The following RALYL variants were observed in gnomAD, a reference collection of about 807,000 sequenced individuals.
RALYL encodes the protein RNA-binding Raly-like protein.
RALYL carries 29 observed loss-of-function variants against 35.1 expected under a neutral mutation model. That is an observed-to-expected ratio of 0.83 (90% confidence interval 0.61 to 1.13). The LOEUF is 1.13. RALYL is among the 50% of genes most tolerant of loss of function. RALYL has a pLI of 0.00. For missense variants in RALYL, 359 were observed against 360.4 expected, an observed-to-expected ratio of 1.00 and a Z score of 0.03; for synonymous variants, 120 against 127.6, an observed-to-expected ratio of 0.94 and a Z score of 0.40.
At chr8:84,524,175 G>T (rs1354402545) in intron 1 of RALYL, among the ~76,000 whole-genome samples, 2 of 152,062 alleles carry the variant, frequency 1.3e-5, no homozygotes, top group Non-Finnish European at 1.5e-5. Flanking sequence ...CCTACAAAAT[G>T]GGAGAAAATT....
At chr8:84,891,479 A>G (rs770691169) in intron 8 of RALYL, among the ~76,000 whole-genome samples, 11 of 152,186 alleles carry the variant, frequency 7.2e-5, no homozygotes, top group Non-Finnish European at 1.6e-4. Flanking sequence ...CAGTCATGGC[A>G]ATAAATCCAA....
chr8:84,793,876 C>G (rs1586310406), intron 3 of RALYL, among the ~76,000 whole-genome samples: 1 of 152,148 alleles, frequency 6.6e-6, no homozygotes, highest in East Asian at 1.9e-4. Context: ...ACCAGCCAGA[C>G]CAGTATGTGA....
At chr8:84,276,243 T>C (rs1045156702) in intron 1 of RALYL, among the ~76,000 whole-genome samples, 3 of 152,276 alleles carry the variant, frequency 2.0e-5, no homozygotes, top group African/African-American at 4.8e-5. Flanking sequence ...ACGAATGTGG[T>C]CATGATTCTA....
intron 2 of RALYL, among the ~76,000 whole-genome samples, chr8:84,721,489 G>A (rs964299849): frequency 6.6e-6 from 1 of 152,084 alleles, no homozygotes; most frequent in Non-Finnish European, 1.5e-5. Flanking sequence ...TTTAAGAAAT[G>A]AAGACTCATA....
intron 4 of RALYL, among the ~76,000 whole-genome samples, chr8:84,843,391 C>G (rs1408354239): frequency 2.0e-5 from 3 of 152,096 alleles, no homozygotes; most frequent in Non-Finnish European, 2.9e-5. Flanking sequence ...AATAAAATAC[C>G]TAGGAATCCA....
At chr8:84,649,755 G>A (rs1257337957) in intron 2 of RALYL, among the ~76,000 whole-genome samples, 1 of 152,100 alleles carries the variant, frequency 6.6e-6, no homozygotes, top group Non-Finnish European at 1.5e-5. Flanking sequence ...GATTGACTTG[G>A]TGATGTGGGC....
At chr8:84,606,639 G>A (rs1409513538) in intron 2 of RALYL, among the ~76,000 whole-genome samples, 1 of 152,010 alleles carries the variant, frequency 6.6e-6, no homozygotes, top group African/African-American at 2.4e-5. Context: ...TTGCATGCAC[G>A]TAATTCAAAT....
At chr8:84,715,317 T>G (rs1195224760) in intron 2 of RALYL, among the ~76,000 whole-genome samples, 1 of 151,844 alleles carries the variant, frequency 6.6e-6, no homozygotes, top group African/African-American at 2.4e-5. Flanking sequence ...AATGAAGTAA[T>G]TTGTGATACT....
intron 2 of RALYL, among the ~76,000 whole-genome samples, chr8:84,680,170 G>T (rs552455344): frequency 6.6e-6 from 1 of 152,240 alleles, no homozygotes; most frequent in East Asian, 1.9e-4. Flanking sequence ...TCCCTACAAA[G>T]GTCATGAACT....
At chr8:84,896,285 C>A (rs1563827879) in intron 8 of RALYL, among the ~76,000 whole-genome samples, 1 of 152,152 alleles carries the variant, frequency 6.6e-6, no homozygotes, top group African/African-American at 2.4e-5. Flanking sequence ...CTCTAAACTG[C>A]AAGTTGTCAC....
At chr8:84,688,736 A>C (rs147574836) in intron 2 of RALYL, among the ~76,000 whole-genome samples, 1 of 152,176 alleles carries the variant, frequency 6.6e-6, no homozygotes, top group African/African-American at 2.4e-5. Flanking sequence ...GGATTGCATC[A>C]AACTAAGAAG....
At chr8:84,234,324 A>G (rs754429045) in intron 1 of RALYL, among the ~76,000 whole-genome samples, 72 of 151,102 alleles carry the variant, frequency 4.8e-4, no homozygotes, top group Non-Finnish European at 9.0e-4. Context: ...TCTGTAAAGG[A>G]TACCTTTATA....
chr8:84,609,399 T>C (rs11985284), intron 2 of RALYL, among the ~76,000 whole-genome samples: 12,244 of 152,198 alleles, frequency 0.08, 1,248 homozygotes, highest in African/African-American at 0.24. Flanking sequence ...ATTGGTACCA[T>C]TGGTGCTACC....
At chr8:84,782,034 C>T (rs1436530060) in intron 3 of RALYL, among the ~76,000 whole-genome samples, 1 of 37,094 alleles carries the variant, frequency 2.7e-5, no homozygotes, top group Non-Finnish European at 6.9e-5. Context: ...CACGCGCGCA[C>T]ACACACACAC....
At position 84,527,395 on chromosome 8, in the gene RALYL, T is replaced by A. The variant is rs563233999; in HGVS notation, c.-23-1904T>A. Among the ~76,000 whole-genome samples the A allele has an allele frequency of 1.9e-4, 29 of 152,326 alleles. No homozygotes were observed. The South Asian group carries it at 6.0e-3, about 32-fold the overall frequency. ...ACCACCGGGCTCTGTAAACCACAGG[T>A]CTGATCTAATCTAGCAATTCTTGTG... On this transcript the variant is annotated intron_variant, in intron 1 of 8. Transcript: ENST00000521268.
At chr8:84,628,154 C>T (rs775247209) in intron 2 of RALYL, among the ~76,000 whole-genome samples, 7 of 152,110 alleles carry the variant, frequency 4.6e-5, no homozygotes, top group East Asian at 1.9e-4. Flanking sequence ...TGGTATTTTT[C>T]GCTCCTCTTT....
At position 84,497,297 on chromosome 8, in the gene RALYL, G is replaced by A. The variant is rs1301708559; in HGVS notation, c.-23-32002G>A. Among the ~76,000 whole-genome samples the A allele has an allele frequency of 2.0e-5, 3 of 152,096 alleles. No homozygotes were observed. The East Asian group carries it at 5.8e-4, about 29-fold the overall frequency. Reference sequence around the variant, plus strand: ...GGGTGAAATCAATTTATTCACTCAGGTCCATAAAACTGGAGCAAAGTGTGA... The same window carrying A: ...GGGTGAAATCAATTTATTCACTCAGATCCATAAAACTGGAGCAAAGTGTGA... On this transcript the variant is annotated intron_variant, in intron 1 of 8. Coordinates refer to ENST00000521268, the MANE Select transcript of RALYL (RefSeq NM_173848.7).
At chr8:84,667,974 C>G (rs1832415627) in intron 2 of RALYL, among the ~76,000 whole-genome samples, 1 of 152,126 alleles carries the variant, frequency 6.6e-6, no homozygotes, top group East Asian at 1.9e-4. Context: ...GCAGGAAAAT[C>G]ATGCCATAGA....
intron 2 of RALYL, among the ~76,000 whole-genome samples, chr8:84,578,257 C>T (rs574967172): frequency 7.9e-4 from 120 of 152,344 alleles, no homozygotes; most frequent in Middle Eastern, 3.4e-3. Context: ...CCATAAGCGG[C>T]TTCTGCTGTG....
Sources: gnomAD v4.1 joint callset for allele counts (sites outside exome capture counted in the v4.1 genomes callset) on GRCh38, gnomAD v4.1.1 for gene constraint, MANE v1.5 for transcripts, NCBI Gene and HGNC (gene_info 2026-07-23, HGNC 2026-07-21) for gene names.